The following ATG9B variants were observed in gnomAD, a reference collection of about 807,000 sequenced individuals.
ATG9B encodes the protein autophagy related 9B, also known as autophagy-related protein 9B.
A neutral mutation model predicts 92.9 loss-of-function variants in ATG9B; 92 were observed. The observed-to-expected ratio is 0.99, with a 90% confidence interval of 0.84 to 1.18. ATG9B has a LOEUF of 1.18. ATG9B is among the 50% of genes most tolerant of loss of function. The pLI is 0.00. For missense variants in ATG9B, 1,344 were observed against 1,235.0 expected, an observed-to-expected ratio of 1.09 and a Z score of -1.32; for synonymous variants, 599 against 551.4, an observed-to-expected ratio of 1.09 and a Z score of -1.21.
At chr7:151,014,600 G>GTTTTTTTTTTTTTTTT (rs1265349762), downstream of ATG9B, 1 of 145,518 alleles carries the variant, frequency 6.9e-6, no homozygotes. Flanking sequence ...GTGGATTACA[G>GTTTTTTTTTTTTTTTT]TTTTTTTTTT....
chr7:151,015,662 G>T lies in ATG9B; in HGVS notation c.*66C>A. ...ATGGGGCCTCTAACAATGACTCCTT[G>T]TGTTTTTCTACTCCACCCTCCAATC... On this transcript the variant is annotated 3_prime_UTR_variant, in exon 14 of 14. Coordinates refer to ENST00000639579, the MANE Select transcript of ATG9B (RefSeq NM_001317056.2). The T allele has an allele frequency of 2.0e-6, 1 of 510,506 alleles. No individual in the cohort carries two copies. Among genetic ancestry groups the T allele is most frequent in the Non-Finnish European group, 3.2e-6 (1 of 311,412 alleles). 31.6% of individuals were successfully genotyped at this position (510,506 alleles called of 1,614,324 possible). A position where few individuals can be genotyped will look rare whatever the true frequency, so the allele number is the denominator to read the frequency against.
chr7:151,019,473 C>CTT, intron 5 of ATG9B, 99 bp from the exon 6 acceptor site: 1 of 1,434,236 alleles, frequency 7.0e-7, no homozygotes, highest in Non-Finnish European at 9.1e-7. Flanking sequence ...AACCCGCAAA[C>CTT]TGAGTTTGCG....
At chr7:151,012,589 G>GA (rs1795330104), downstream of ATG9B, 1 of 1,302,008 alleles carries the variant, frequency 7.7e-7, no homozygotes, top group South Asian at 1.5e-5. Context: ...CCACAAAGCT[G>GA]AAAAGACGCT....
At chr7:151,014,318 G>A (rs1478213794), downstream of ATG9B, 1 of 897,292 alleles carries the variant, frequency 1.1e-6, no homozygotes, top group South Asian at 1.8e-5. Flanking sequence ...ATTCCTCCAG[G>A]AAGGAGCAAA....
chr7:151,023,444 C>T lies in ATG9B; in HGVS notation c.659+1G>A, dbSNP rs375797257. On this transcript the variant is annotated splice_donor_variant, in intron 3 of 13. Transcript: ENST00000639579. LOFTEE classifies it high-confidence loss of function. Reference sequence around the variant, plus strand: ...TTCCGGGCCCGGGCTAAGCGTCTCACCCCAGCTGGAAGACATCCTCCAGCA... The same window carrying T: ...TTCCGGGCCCGGGCTAAGCGTCTCATCCCAGCTGGAAGACATCCTCCAGCA... 76 of 1,612,784 alleles carry T rather than the reference C, an allele frequency of 4.7e-5. No homozygotes were observed. The highest frequency in any genetic ancestry group is 6.4e-5 in the Non-Finnish European group (75 of 1,179,558).
downstream of ATG9B, chr7:151,013,488 C>T (rs915104625): frequency 1.5e-5 from 21 of 1,368,908 alleles, no homozygotes; most frequent in Admixed American, 2.2e-5. Flanking sequence ...CCTCCCACGA[C>T]CACTCAGCCA....
intron 2 of ATG9B, 55 bp from the exon 3 acceptor site, chr7:151,023,564 C>A: frequency 6.2e-7 from 1 of 1,611,038 alleles, no homozygotes; most frequent in Non-Finnish European, 8.5e-7. Flanking sequence ...CCTGAGGACA[C>A]CTCCCCTCAG....
intron 3 of ATG9B, 75 bp from the exon 4 acceptor site, chr7:151,023,281 C>G: frequency 1.9e-6 from 3 of 1,606,890 alleles, no homozygotes; most frequent in Non-Finnish European, 2.6e-6. Context: ...CCCCAGCCCC[C>G]AGAGCAGCCC....
intron 2 of ATG9B, 34 bp from the exon 3 acceptor site, chr7:151,023,543 G>A (rs754187907): frequency 3.0e-5 from 48 of 1,611,474 alleles, no homozygotes; most frequent in Admixed American, 6.7e-5. Context: ...CCTGAGGCAC[G>A]GGGGGCCTCT....
chr7:151,019,856 T>TG (rs1467822537), intron 5 of ATG9B: 1 of 154,410 alleles, frequency 6.5e-6, no homozygotes, highest in African/African-American at 2.4e-5. Context: ...ACACTGTCTC[T>TG]ACTAAAAATA....
downstream of ATG9B, chr7:151,014,056 CAGG>C: frequency 6.2e-7 from 1 of 1,613,804 alleles, no homozygotes; most frequent in Non-Finnish European, 8.5e-7. Context: ...GCTGCGCACC[CAGG>C]AGGTGACAAG....
downstream of ATG9B, chr7:151,013,260 T>C: frequency 6.2e-7 from 1 of 1,613,886 alleles, no homozygotes; most frequent in Non-Finnish European, 8.5e-7. Context: ...GACTTTGGTG[T>C]TCGGCTGCCG....
downstream of ATG9B, chr7:151,013,811 G>A (rs746892263): frequency 6.2e-7 from 1 of 1,610,252 alleles, no homozygotes; most frequent in South Asian, 1.1e-5. Flanking sequence ...GTTTGTCTGC[G>A]GCGATGTTAC....
At position 151,016,783 on chromosome 7, in the gene ATG9B, GAGAGGGTGCACGA is replaced by G. The variant is rs1795508551; in HGVS notation, c.2315_2327del (p.Phe772SerfsTer7). ...TCGGGCTCAGATCTCTCGGAGGCAG[GAGAGGGTGCACGA>G]AGAGGTTGGCCAGGAAGGCCTCAGG... On this transcript the variant is annotated frameshift_variant, in exon 10 of 14. Transcript: ENST00000639579. LOFTEE classifies it high-confidence loss of function. The G allele has an allele frequency of 6.2e-7, 1 of 1,612,620 alleles. No individual in the cohort carries two copies. The highest frequency in any genetic ancestry group is 8.5e-7 in the Non-Finnish European group (1 of 1,179,550).
At chr7:151,017,642 A>G (rs1194889746) in intron 8 of ATG9B, among the ~76,000 whole-genome samples, 1 of 152,324 alleles carries the variant, frequency 6.6e-6, no homozygotes, top group East Asian at 1.9e-4. Context: ...CATAGGCTAT[A>G]CAGACATAAT....
chr7:151,021,448 T>C, intron 4 of ATG9B, 119 bp from the exon 5 acceptor site: 2 of 1,384,648 alleles, frequency 1.4e-6, no homozygotes, highest in Non-Finnish European at 1.9e-6. Flanking sequence ...GACCAGCAGC[T>C]CTCAAGGTAG....
chr7:151,023,590 C>T, intron 2 of ATG9B, 81 bp from the exon 3 acceptor site: 2 of 1,610,298 alleles, frequency 1.2e-6, no homozygotes, highest in Non-Finnish European at 1.7e-6. Flanking sequence ...ACAAGTCTCC[C>T]ACCCATGACG....
chr7:151,013,606 A>G (rs1328669880), downstream of ATG9B: 3 of 872,134 alleles, frequency 3.4e-6, no homozygotes. Context: ...GCCCCAGGGC[A>G]CGCAGGCCCC....
chr7:151,017,691 G>A (rs1795557652), intron 8 of ATG9B, among the ~76,000 whole-genome samples, 180 bp downstream of exon 8: 1 of 152,204 alleles, frequency 6.6e-6, no homozygotes, highest in African/African-American at 2.4e-5. Context: ...GTGCTCTGGA[G>A]AGCACATTGC....
Sources: gnomAD v4.1 joint callset for allele counts (sites outside exome capture counted in the v4.1 genomes callset) on GRCh38, gnomAD v4.1.1 for gene constraint, MANE v1.5 for transcripts, NCBI Gene and HGNC (gene_info 2026-07-23, HGNC 2026-07-21) for gene names.